TNFSF10: variants seen among roughly 807,000 people sequenced by gnomAD.
TNFSF10 encodes tumor necrosis factor ligand superfamily member 10.
TNFSF10 carries 13 observed loss-of-function variants against 29.5 expected under a neutral mutation model. That is an observed-to-expected ratio of 0.44 (90% CI 0.29 to 0.70). The LOEUF (loss-of-function observed/expected upper bound fraction) is 0.70. Among genes scored for constraint, TNFSF10 ranks in the 30% least tolerant of loss-of-function variants. The pLI, the probability that TNFSF10 is intolerant of heterozygous loss-of-function variation, is 0.13. For synonymous variants in TNFSF10, 111 were observed against 112.8 expected, an observed-to-expected ratio of 0.98 and a Z score of 0.10; for missense variants, 345 against 330.9, an observed-to-expected ratio of 1.04 and a Z score of -0.33.
At chr3:172,517,313 T>C in intron 1 of TNFSF10, 2 of 984,936 alleles carry the variant, frequency 2.0e-6, no homozygotes, top group Non-Finnish European at 2.4e-6. Flanking sequence ...CTGTGATCCC[T>C]TCTGAGTATT....
At chr3:172,516,412 A>G (rs1320918247) in intron 1 of TNFSF10, among the ~76,000 whole-genome samples, 1 of 152,172 alleles carries the variant, frequency 6.6e-6, no homozygotes, top group Non-Finnish European at 1.5e-5. Flanking sequence ...TAGAAAGACA[A>G]TATCATTTTA....
At chr3:172,509,390 G>T in intron 3 of TNFSF10, 69 bp from the exon 4 acceptor site, 1 of 1,254,526 alleles carries the variant, frequency 8.0e-7, no homozygotes, top group Non-Finnish European at 1.1e-6. Flanking sequence ...GCTCTTCATA[G>T]GTGTTGTCAA....
At chr3:172,514,803 A>T in intron 2 of TNFSF10, 58 bp downstream of exon 2, 1 of 1,591,264 alleles carries the variant, frequency 6.3e-7, no homozygotes, top group Non-Finnish European at 8.5e-7. Context: ...CCTTTGCTTT[A>T]AGGAATTCTT....
chr3:172,506,179 A>C lies in TNFSF10; in HGVS notation c.*313T>G, dbSNP rs749049641. On this transcript the variant is annotated 3_prime_UTR_variant, in exon 5 of 5. Coordinates refer to ENST00000241261, the MANE Select transcript of TNFSF10 (RefSeq NM_003810.4). Reference sequence around the variant, plus strand: ...TACAAGGAGTAGATTATAAAGACAGAAGATGTTAACCATTGCATTAATGTT... The same window carrying C: ...TACAAGGAGTAGATTATAAAGACAGCAGATGTTAACCATTGCATTAATGTT... 4.4e-5 allele frequency: 12 copies of C among 273,488 alleles called. No individual in the cohort carries two copies. The highest frequency in any genetic ancestry group is 7.9e-5 in the East Asian group (1 of 12,714). 16.9% of individuals were successfully genotyped at this position (273,488 alleles called of 1,614,324 possible).
chr3:172,522,348 A>G, intron 1 of TNFSF10: 1 of 1,124,154 alleles, frequency 8.9e-7, no homozygotes, highest in Non-Finnish European at 1.4e-6. Context: ...GATTTTTTCG[A>G]CAGGAAGTAT....
chr3:172,506,472 G>C lies in TNFSF10; in HGVS notation c.*20C>G. On this transcript the variant is annotated 3_prime_UTR_variant, in exon 5 of 5. Transcript: ENST00000241261. ...ACTGAATAGTCACTTTGAGGTTATT[G>C]CTTTTTCTTTCCAGGTCAGTTAGCC... 2 of 1,577,244 alleles carry C rather than the reference G, an allele frequency of 1.3e-6. No individual in the cohort carries two copies. Among genetic ancestry groups the C allele is most frequent in the Non-Finnish European group, 1.7e-6 (2 of 1,166,152 alleles).
intron 1 of TNFSF10, among the ~76,000 whole-genome samples, chr3:172,515,843 A>T (rs1713407157): frequency 6.6e-6 from 1 of 152,028 alleles, no homozygotes; most frequent in South Asian, 2.1e-4. Flanking sequence ...GAAAAACAGG[A>T]AACAGAAGGT....
At chr3:172,509,391 G>T in intron 3 of TNFSF10, 70 bp from the exon 4 acceptor site, 5 of 1,246,920 alleles carry the variant, frequency 4.0e-6, no homozygotes, top group Non-Finnish European at 4.6e-6. Context: ...CTCTTCATAG[G>T]TGTTGTCAAT....
chr3:172,514,715 GA>G lies in TNFSF10; in HGVS notation c.270+145del, dbSNP rs1304023459. Reference sequence around the variant, plus strand: ...ATTTTCCTAGTTCTATGAATTTGGGGAAAATTACTTAAATACTCTGGGCCTA... The same window carrying G: ...ATTTTCCTAGTTCTATGAATTTGGGGAAATTACTTAAATACTCTGGGCCTA... On this transcript the variant is annotated intron_variant, in intron 2 of 4. Transcript: ENST00000241261. The G allele has an allele frequency of 1.0e-5, 12 of 1,163,074 alleles. No individual in the cohort carries two copies. The South Asian group carries it at 1.9e-4, about 18-fold the overall frequency. 72.0% of individuals were successfully genotyped at this position (1,163,074 alleles called of 1,614,324 possible).
At chr3:172,514,134 C>A (rs1005234804) in intron 2 of TNFSF10, among the ~76,000 whole-genome samples, 1 of 152,140 alleles carries the variant, frequency 6.6e-6, no homozygotes, top group Non-Finnish European at 1.5e-5. Flanking sequence ...CCACTACACC[C>A]GGCTGCAAAT....
chr3:172,522,103 A>T, intron 1 of TNFSF10: 1 of 243,696 alleles, frequency 4.1e-6, no homozygotes, highest in East Asian at 1.2e-4. Context: ...TGGGGCTTAC[A>T]ACCTAGATGA....
rs1448218740 is a variant in TNFSF10 at position 172,514,988 on chromosome 3, T to C, written c.143A>G (p.Lys48Arg). 6.2e-7 allele frequency: 1 copy of C among 1,614,030 alleles called. No homozygotes were observed. The highest frequency in any genetic ancestry group is 8.5e-7 in the Non-Finnish European group (1 of 1,180,012). Reference sequence around the variant, plus strand: ...ACAAGCAATGCCACTTTTGGAGTACTTGTCCTGCATCTGGGTTGAGATGGA... The same window carrying C: ...ACAAGCAATGCCACTTTTGGAGTACCTGTCCTGCATCTGGGTTGAGATGGA... ...FTNELKQMQDKYSKSGIACFL... is the reference protein window; with the variant it reads ...FTNELKQMQDRYSKSGIACFL... The change falls in exon 2 of 5, where the codon AAG becomes AGG. Residue 48 changes from lysine (K) to arginine (R), a missense_variant. Physicochemically the swap from Lys to Arg is conservative, Grantham distance 26. Transcript: ENST00000241261.
intron 2 of TNFSF10, among the ~76,000 whole-genome samples, chr3:172,512,188 C>T (rs891924348): frequency 2.6e-5 from 4 of 152,202 alleles, no homozygotes; most frequent in Non-Finnish European, 5.9e-5. Flanking sequence ...GAGGTATAAC[C>T]TGACAACACC....
chr3:172,510,746 C>T (rs974104493), intron 3 of TNFSF10, among the ~76,000 whole-genome samples: 1 of 151,644 alleles, frequency 6.6e-6, no homozygotes, highest in African/African-American at 2.4e-5. Context: ...ACTGCTTTCA[C>T]CTTTGGAGAA....
intron 2 of TNFSF10, among the ~76,000 whole-genome samples, chr3:172,514,484 A>G (rs1713350775): frequency 6.6e-6 from 1 of 152,198 alleles, no homozygotes; most frequent in African/African-American, 2.4e-5. Flanking sequence ...ATAAAATATC[A>G]TTATTTGATC....
chr3:172,508,081 G>A (rs1054038726), intron 4 of TNFSF10, among the ~76,000 whole-genome samples: 7 of 151,900 alleles, frequency 4.6e-5, no homozygotes, highest in African/African-American at 1.5e-4. Context: ...GGTGGCTCAC[G>A]CCTGTAATTC....
At chr3:172,519,209 T>C (rs907169819) in intron 1 of TNFSF10, among the ~76,000 whole-genome samples, 1 of 152,254 alleles carries the variant, frequency 6.6e-6, no homozygotes, top group Non-Finnish European at 1.5e-5. Flanking sequence ...CTCAATGAAT[T>C]CTTCTGCATG....
rs767102574 is a variant in TNFSF10 at position 172,523,247 on chromosome 3, A to G, written c.132+6T>C. 6.8e-6 allele frequency: 11 copies of G among 1,613,202 alleles called. No individual in the cohort carries two copies. Among genetic ancestry groups the G allele is most frequent in the Non-Finnish European group, 7.6e-6 (9 of 1,179,420 alleles). ...TCGAAGACTGAGTGCACTGCACTGC[A>G]CTGACCTGCTTCAGCTCGTTGGTAA... On this transcript the variant is annotated splice_donor_region_variant and intron_variant, in intron 1 of 4. Transcript: ENST00000241261.
Position 172,523,281 on chromosome 3 carries a change from T to G in TNFSF10, c.104A>C (p.Tyr35Ser). 1 of 1,613,968 alleles carries G rather than the reference T, an allele frequency of 6.2e-7. No individual in the cohort carries two copies. The highest frequency in any genetic ancestry group is 8.5e-7 in the Non-Finnish European group (1 of 1,179,852). Residue 35 changes from tyrosine to serine, a missense_variant, in exon 1 of 5, where the codon TAC (tyrosine) becomes TCC (serine). Coordinates refer to ENST00000241261, the MANE Select transcript of TNFSF10 (RefSeq NM_003810.4). ...LLQSLCVAVT[Y>S]VYFTNELKQM... is the part of the protein sequence containing the mutation. ...CTTCAGCTCGTTGGTAAAGTACACGTAAGTTACAGCCACACAGAGAGACTG... is the reference window on the plus strand; with the variant it reads ...CTTCAGCTCGTTGGTAAAGTACACGGAAGTTACAGCCACACAGAGAGACTG...
Sources: allele counts gnomAD v4.1 joint callset (sites outside exome capture counted in the v4.1 genomes callset), GRCh38; gene constraint gnomAD v4.1.1; transcripts MANE v1.5; gene names NCBI Gene and HGNC (gene_info 2026-07-23, HGNC 2026-07-21).